The following FER variants were observed in gnomAD, a reference collection of about 807,000 sequenced individuals.
FER encodes the protein tyrosine-protein kinase Fer.
Under a neutral mutation model 111.0 loss-of-function variants are expected in FER, and 63 were observed. That is an observed-to-expected ratio of 0.57 (90% CI 0.46 to 0.70). The LOEUF is 0.70. FER is among the 30% of genes least tolerant of loss of function. FER has a pLI of 0.00. For missense variants in FER, 914 were observed against 954.0 expected (o/e 0.96, Z 0.55); for synonymous variants, 327 against 313.9 (o/e 1.04, Z -0.44).
intron 17 of FER, among the ~76,000 whole-genome samples, chr5:109,151,286 C>T (rs537130276): frequency 6.6e-6 from 1 of 152,058 alleles, no homozygotes; most frequent in African/African-American, 2.4e-5. Flanking sequence ...GAATTGTTGG[C>T]AAGACTACTA....
intron 13 of FER, among the ~76,000 whole-genome samples, chr5:108,976,528 G>A (rs1184648483): frequency 6.6e-6 from 1 of 152,010 alleles, no homozygotes; most frequent in Non-Finnish European, 1.5e-5. Flanking sequence ...CAATCTGGGG[G>A]TGACGGGTGC....
At chr5:108,871,762 A>AT (rs11338048) in intron 7 of FER, among the ~76,000 whole-genome samples, 18 of 150,072 alleles carry the variant, frequency 1.2e-4, no homozygotes, top group Admixed American at 2.0e-4. Flanking sequence ...AATCCATGAA[A>AT]TTTTTTTTTT....
intron 13 of FER, among the ~76,000 whole-genome samples, chr5:109,004,053 TA>T (rs1765181379): frequency 1.3e-5 from 2 of 152,122 alleles, no homozygotes; most frequent in South Asian, 4.1e-4. Context: ...TAGAAAACAA[TA>T]AATGTCATTG....
intron 5 of FER, among the ~76,000 whole-genome samples, chr5:108,854,055 G>T (rs1466771392): frequency 6.6e-6 from 1 of 152,168 alleles, no homozygotes; most frequent in African/African-American, 2.4e-5. Flanking sequence ...GTTATTCATG[G>T]TAGTTTGATA....
At chr5:108,875,165 A>C (rs1003622563) in intron 8 of FER, among the ~76,000 whole-genome samples, 1 of 152,140 alleles carries the variant, frequency 6.6e-6, no homozygotes, top group Non-Finnish European at 1.5e-5. Context: ...AATTATTTGT[A>C]GGATTATCTC....
intron 10 of FER, among the ~76,000 whole-genome samples, chr5:108,942,754 T>C (rs1272667553): frequency 6.6e-6 from 1 of 152,152 alleles, no homozygotes; most frequent in Non-Finnish European, 1.5e-5. Flanking sequence ...TTATGAGCTG[T>C]AATGTAGAAT....
chr5:108,860,092 C>T (rs918727696), intron 5 of FER, among the ~76,000 whole-genome samples: 1 of 151,818 alleles, frequency 6.6e-6, no homozygotes, highest in Non-Finnish European at 1.5e-5. Flanking sequence ...CAGGTGTGCA[C>T]CACCACGCCC....
chr5:109,154,301 C>T (rs1755142367), intron 17 of FER, among the ~76,000 whole-genome samples: 2 of 151,922 alleles, frequency 1.3e-5, no homozygotes, highest in Non-Finnish European at 2.9e-5. Context: ...CTATGTTTAT[C>T]TTCCTTGATG....
intron 3 of FER, chr5:108,818,025 A>G (rs1019972416): frequency 1.3e-5 from 2 of 152,142 alleles, no homozygotes; most frequent in Non-Finnish European, 2.9e-5. Context: ...ATTTCTGTAA[A>G]TTGAATTATT....
intron 10 of FER, among the ~76,000 whole-genome samples, chr5:108,909,813 T>C (rs1459655553): frequency 6.6e-6 from 1 of 150,468 alleles, no homozygotes; most frequent in Non-Finnish European, 1.5e-5. Context: ...TATATATAAA[T>C]AAAATAATAT....
At chr5:109,101,199 T>G (rs764523084) in intron 17 of FER, among the ~76,000 whole-genome samples, 8 of 151,968 alleles carry the variant, frequency 5.3e-5, no homozygotes, top group Admixed American at 6.6e-5. Context: ...TGTTGCAGAA[T>G]TCATGTCAGA....
In FER at chr5:108,922,657, T is replaced by C. The variant is rs188120061; in HGVS notation, c.1237-23473T>C. 4.3e-4 allele frequency among the ~76,000 whole-genome samples: 65 copies of C among 152,112 alleles called. 1 individual carries two copies. The highest frequency in any genetic ancestry group is 1.4e-3 in the African/African-American group (60 of 41,456). On this transcript the variant is annotated intron_variant, in intron 10 of 19. Coordinates refer to ENST00000281092, the MANE Select transcript of FER (RefSeq NM_005246.4). ...AAGTGAAACCAATCAGGGAATAAAA[T>C]ATAGGAAAATATAATTTTATTTTAA...
At chr5:108,778,053 T>A (rs1200918614) in intron 2 of FER, among the ~76,000 whole-genome samples, 2 of 152,212 alleles carry the variant, frequency 1.3e-5, no homozygotes, top group African/African-American at 4.8e-5. Context: ...AATTGTGTCA[T>A]ATATAGCCTT....
At position 109,022,948 on chromosome 5, in the gene FER, C is replaced by T. The variant is rs573284091; in HGVS notation, c.1657-14474C>T. Among the ~76,000 whole-genome samples the T allele has an allele frequency of 2.1e-3, 323 of 152,188 alleles. 3 individuals carry two copies. Among genetic ancestry groups the T allele is most frequent in the Middle Eastern group, 0.02 (6 of 294 alleles). On this transcript the variant is annotated intron_variant, in intron 13 of 19. Coordinates refer to ENST00000281092, the MANE Select transcript of FER (RefSeq NM_005246.4). ...AATAGCTTGGTTTTTAATCTAAGAG[C>T]AATGGGGCATTACTGGAGGGATTTA... is the stretch of plus-strand genomic sequence containing the variant.
At chr5:108,772,538 T>A (rs914308031) in intron 2 of FER, among the ~76,000 whole-genome samples, 1 of 152,182 alleles carries the variant, frequency 6.6e-6, no homozygotes, top group Non-Finnish European at 1.5e-5. Context: ...CTTAGAATAC[T>A]ATTCAACCAA....
chr5:108,973,233 T>A (rs1760907019), intron 13 of FER, among the ~76,000 whole-genome samples: 1 of 152,160 alleles, frequency 6.6e-6, no homozygotes, highest in South Asian at 2.1e-4. Context: ...TTTATCTTTA[T>A]CATATTAATT....
intron 3 of FER, among the ~76,000 whole-genome samples, chr5:108,818,542 G>A (rs2150096602): frequency 6.6e-6 from 1 of 152,200 alleles, no homozygotes; most frequent in South Asian, 2.1e-4. Flanking sequence ...TCAGAATTCT[G>A]AAAAATGTTC....
At position 108,798,158 on chromosome 5, in the gene FER, TGGA is replaced by T; in HGVS notation, c.-21_-19del. On this transcript the variant is annotated 5_prime_UTR_variant, in exon 3 of 20. Transcript: ENST00000281092. ...GATTAGAAGGCTCACTTGTGCAGTG[TGGA>T]GGATAACCAGTGCCTTACAAAATGG... 6.3e-7 allele frequency: 1 copy of T among 1,588,112 alleles called. No homozygotes were observed. The highest frequency in any genetic ancestry group is 8.6e-7 in the Non-Finnish European group (1 of 1,156,596).
intron 17 of FER, among the ~76,000 whole-genome samples, chr5:109,122,377 T>C (rs1324912549): frequency 6.6e-6 from 1 of 152,218 alleles, no homozygotes. Flanking sequence ...TTGTATAGTT[T>C]CCAAAATTCT....
Sources: allele counts gnomAD v4.1 joint callset (sites outside exome capture counted in the v4.1 genomes callset), GRCh38; gene constraint gnomAD v4.1.1; transcripts MANE v1.5; gene names NCBI Gene and HGNC (gene_info 2026-07-23, HGNC 2026-07-21).